AP3D1: variants seen among roughly 807,000 people sequenced by gnomAD.
The protein encoded by AP3D1 is AP-3 complex subunit delta-1.
Under a neutral mutation model 147.6 loss-of-function variants are expected in AP3D1, and 51 were observed. The observed-to-expected ratio is 0.35, with a 90% CI of 0.28 to 0.44. The LOEUF is 0.44. Among genes scored for constraint, AP3D1 ranks in the 20% least tolerant of loss-of-function variants. The pLI is 1.00. For missense variants in AP3D1, 1,421 were observed against 1,624.2 expected (o/e 0.87, Z 2.15); for synonymous variants, 760 against 663.0 (o/e 1.15, Z -2.25).
intron 30 of AP3D1, 72 bp from the exon 31 acceptor site, chr19:2,108,838 C>G: frequency 1.3e-6 from 2 of 1,487,860 alleles, no homozygotes. Context: ...GAGCAGGGGC[C>G]ACCTTCTTGG....
chr19:2,105,753 A>G (rs1266244888), intron 31 of AP3D1, among the ~76,000 whole-genome samples: 1 of 152,068 alleles, frequency 6.6e-6, no homozygotes, highest in Non-Finnish European at 1.5e-5. Flanking sequence ...AGTGTGCAGC[A>G]CCCAAAAAGC....
At chr19:2,112,198 T>G in intron 24 of AP3D1, 1 of 260,330 alleles carries the variant, frequency 3.8e-6, no homozygotes. Flanking sequence ...CAAAGCGGCA[T>G]ACTGTGTCAC....
Position 2,121,218 on chromosome 19 carries a change from T to C in AP3D1, c.1195A>G (p.Lys399Glu). The C allele has an allele frequency of 6.2e-7, 1 of 1,614,198 alleles. No homozygotes were observed. Residue 399 changes from lysine (K) to glutamate (E), a missense_variant, in exon 13 of 32, where the codon AAG becomes GAG. By Grantham distance (56) the Lys-to-Glu change is moderately conservative (BLOSUM62 1). Coordinates refer to ENST00000643116, the MANE Select transcript of AP3D1 (RefSeq NM_001261826.3). ...GTTYRDELLT[K>E]IIDICSQSNY... The stretch of plus-strand genomic sequence containing the variant: ...GACTGGCTGCAGATGTCAATGATCT[T>C]GGTGAGCAGCTCGTCACGGTAGGTG...
At chr19:2,161,322 T>C (rs57908212) in intron 1 of AP3D1, among the ~76,000 whole-genome samples, 70,253 of 151,524 alleles carry the variant, frequency 0.46, 16,408 homozygotes, top group Non-Finnish European at 0.49. Flanking sequence ...CCACCATGCC[T>C]GGCTAATTTT....
At chr19:2,115,113 C>T (rs1056154238) in intron 20 of AP3D1, 106 bp downstream of exon 20, 2 of 1,253,330 alleles carry the variant, frequency 1.6e-6, no homozygotes, top group Admixed American at 2.1e-5. Flanking sequence ...GGGCCTCATC[C>T]CAGCCACCAA....
chr19:2,160,065 G>A (rs1210203091), intron 1 of AP3D1, among the ~76,000 whole-genome samples: 2 of 151,472 alleles, frequency 1.3e-5, no homozygotes, highest in African/African-American at 4.8e-5. Context: ...TGGTCAGGCT[G>A]GTATTGAACT....
intron 1 of AP3D1, among the ~76,000 whole-genome samples, chr19:2,149,530 T>G (rs1599499359): frequency 2.4e-5 from 3 of 127,472 alleles, no homozygotes; most frequent in Non-Finnish European, 3.3e-5. Flanking sequence ...GCAACAAGAG[T>G]GAAACTCCGT....
chr19:2,163,497 T>G (rs1385964511), intron 1 of AP3D1, among the ~76,000 whole-genome samples: 13 of 152,104 alleles, frequency 8.5e-5, no homozygotes, highest in African/African-American at 2.6e-4. Context: ...TGGCCTTTTT[T>G]TTTTTTTTTG....
chr19:2,113,351 G>A lies in AP3D1; in HGVS notation c.2664C>T (p.Ala888=). The change falls in exon 23 of 32, where the codon GCC becomes GCT. Residue 888 remains alanine, a synonymous_variant. Coordinates refer to ENST00000643116, the MANE Select transcript of AP3D1 (RefSeq NM_001261826.3). ...TPPPAPAPAP[A]PVPSTGELSV... is the part of the protein sequence containing the mutation. ...AGTCTCTTACCGTGGATGGAACGGG[G>A]GCGGGGGCGGGGGCGGGGGCAGGCG... is the stretch of plus-strand genomic sequence containing the variant. The A allele has an allele frequency of 7.0e-7, 1 of 1,430,756 alleles. No homozygotes were observed. Among genetic ancestry groups the A allele is most frequent in the South Asian group, 1.4e-5 (1 of 69,328 alleles). The allele number at this position is 1,430,756 out of a possible 1,614,324, so 88.6% of individuals were successfully genotyped here.
At chr19:2,102,847 C>T (rs1463033084) in intron 31 of AP3D1, among the ~76,000 whole-genome samples, 2 of 152,108 alleles carry the variant, frequency 1.3e-5, no homozygotes, top group African/African-American at 2.4e-5. Context: ...ACTTGGGAGG[C>T]TGAAGCAGGA....
intron 11 of AP3D1, 48 bp downstream of exon 11, chr19:2,123,310 C>T: frequency 6.3e-7 from 1 of 1,587,678 alleles, no homozygotes; most frequent in Non-Finnish European, 8.6e-7. Context: ...CCTAACTTCA[C>T]AGAGCTGGGG....
intron 14 of AP3D1, among the ~76,000 whole-genome samples, chr19:2,120,175 A>T (rs1284928233): frequency 6.6e-6 from 1 of 152,152 alleles, no homozygotes; most frequent in Non-Finnish European, 1.5e-5. Context: ...ATAAATTTCC[A>T]AGAGAGCCTG....
At chr19:2,114,424 C>T (rs1477292977) in intron 21 of AP3D1, 122 bp from the exon 22 acceptor site, 1 of 837,646 alleles carries the variant, frequency 1.2e-6, no homozygotes, top group East Asian at 2.6e-5. Context: ...CTGGCCCCAG[C>T]CATGGCCCAA....
rs1252276132 is a variant in AP3D1 at position 2,137,826 on chromosome 19, G to A, written c.193-19C>T. Reference sequence around the variant, plus strand: ...TCTGTAACTGTTAAGGGACGCACAGGAAATTGCACTCACAAGCCAAAGCAG... The same window carrying A: ...TCTGTAACTGTTAAGGGACGCACAGAAAATTGCACTCACAAGCCAAAGCAG... On this transcript the variant is annotated intron_variant, in intron 2 of 31. Coordinates refer to ENST00000643116, the MANE Select transcript of AP3D1 (RefSeq NM_001261826.3). 4 of 1,612,446 alleles carry A rather than the reference G, an allele frequency of 2.5e-6. No homozygotes were observed. Among genetic ancestry groups the A allele is most frequent in the Admixed American group, 1.7e-5 (1 of 59,850 alleles).
chr19:2,142,326 C>CT (rs1363590275), intron 1 of AP3D1, among the ~76,000 whole-genome samples: 1 of 151,428 alleles, frequency 6.6e-6, no homozygotes, highest in African/African-American at 2.4e-5. Context: ...ACATTTTTTA[C>CT]TTTTGTAGAG....
At chr19:2,124,646 T>C (rs902854514) in intron 9 of AP3D1, among the ~76,000 whole-genome samples, 1 of 152,098 alleles carries the variant, frequency 6.6e-6, no homozygotes, top group African/African-American at 2.4e-5. Context: ...CGCAAAAGCA[T>C]AACAATGATC....
At chr19:2,159,205 GT>G (rs1189811035) in intron 1 of AP3D1, among the ~76,000 whole-genome samples, 1 of 150,132 alleles carries the variant, frequency 6.7e-6, no homozygotes, top group Admixed American at 6.7e-5. Flanking sequence ...GGCCACGATG[GT>G]TTCCATCTCT....
At chr19:2,112,139 T>TGCACATCCGAGAGGGAACAC in intron 24 of AP3D1, 1 of 433,982 alleles carries the variant, frequency 2.3e-6, no homozygotes, top group Non-Finnish European at 4.3e-6. Context: ...CACGCCCATG[T>TGCACATCCGAGAGGGAACAC]GCACATCCGA....
intron 1 of AP3D1, among the ~76,000 whole-genome samples, chr19:2,159,640 G>A (rs1232709117): frequency 6.7e-6 from 1 of 149,094 alleles, no homozygotes; most frequent in African/African-American, 2.5e-5. Flanking sequence ...CACCCACCTC[G>A]GCCTTCCAAA....
Sources: gnomAD v4.1 joint callset for allele counts (sites outside exome capture counted in the v4.1 genomes callset) on GRCh38, gnomAD v4.1.1 for gene constraint, MANE v1.5 for transcripts, NCBI Gene and HGNC (gene_info 2026-07-23, HGNC 2026-07-21) for gene names.